The following ITGA9 variants were observed in gnomAD, a reference collection of about 807,000 sequenced individuals.
ITGA9 encodes integrin alpha-9.
ITGA9 carries 56 observed loss-of-function variants against 127.8 expected under a neutral mutation model. The ratio of observed to expected loss-of-function variants is 0.44; its 90% CI spans 0.35 to 0.55. The LOEUF is 0.55. ITGA9 is among the 20% of genes least tolerant of loss of function. The probability of loss-of-function intolerance (pLI) is 0.00; values close to 1 mark genes in which losing one functional copy is unlikely to be tolerated. For missense variants in ITGA9, 1,196 were observed against 1,347.1 expected, an observed-to-expected ratio of 0.89 and a Z score of 1.76; for synonymous variants, 508 against 514.5, an observed-to-expected ratio of 0.99 and a Z score of 0.17.
At chr3:37,671,293 GT>G (rs940282803) in intron 17 of ITGA9, among the ~76,000 whole-genome samples, 4 of 152,260 alleles carry the variant, frequency 2.6e-5, no homozygotes, top group African/African-American at 9.6e-5. Flanking sequence ...GGAACCAGCA[GT>G]TCTTTTCACA....
At chr3:37,478,245 A>C (rs994753070) in intron 3 of ITGA9, among the ~76,000 whole-genome samples, 1 of 152,062 alleles carries the variant, frequency 6.6e-6, no homozygotes, top group Admixed American at 6.5e-5. Context: ...GTGGCCGTGC[A>C]CTGTGGACCT....
Position 37,814,094 on chromosome 3 carries a change from C to T in ITGA9, c.3010-4797C>T, listed in dbSNP as rs1462582022. ...TTGAGATGGGACAAAGACTCTGTGC[C>T]TTGTTCCCCCTTAGTGTGAGTCCTG... On this transcript the variant is annotated intron_variant, in intron 27 of 27. Coordinates refer to ENST00000264741, the MANE Select transcript of ITGA9 (RefSeq NM_002207.3). This position sits in a 1 kb window ranked among gnomAD's most constrained non-coding sequence, Gnocchi z 4.3. Among the ~76,000 whole-genome samples, 1 of 152,116 alleles carries T rather than the reference C, an allele frequency of 6.6e-6. No individual in the cohort carries two copies.
Position 37,560,537 on chromosome 3 carries a change from A to T in ITGA9, c.1689+17952A>T, listed in dbSNP as rs140084069. 1.3e-3 allele frequency among the ~76,000 whole-genome samples: 203 copies of T among 152,338 alleles called. 1 individual carries two copies. Among genetic ancestry groups the T allele is most frequent in the African/African-American group, 4.2e-3 (174 of 41,574 alleles). ...TTGAGGAATTGCCACACTGTCTTCCACAATGGTTGAACGAATTTACACTCC... is the reference window on the plus strand; with the variant it reads ...TTGAGGAATTGCCACACTGTCTTCCTCAATGGTTGAACGAATTTACACTCC... On this transcript the variant is annotated intron_variant, in intron 15 of 27. Coordinates refer to ENST00000264741, the MANE Select transcript of ITGA9 (RefSeq NM_002207.3).
intron 26 of ITGA9, among the ~76,000 whole-genome samples, chr3:37,788,233 C>T (rs1280695989): frequency 6.6e-6 from 1 of 152,152 alleles, no homozygotes; most frequent in Non-Finnish European, 1.5e-5. Flanking sequence ...CCCTCAGAAG[C>T]ACACTGATAA....
intron 11 of ITGA9, among the ~76,000 whole-genome samples, chr3:37,520,453 G>C (rs190554537): frequency 6.6e-6 from 1 of 152,256 alleles, no homozygotes; most frequent in East Asian, 1.9e-4. Context: ...GGTCATAAGT[G>C]GCAGTATGGC....
At chr3:37,691,599 T>C (rs1700832702) in intron 18 of ITGA9, among the ~76,000 whole-genome samples, 1 of 152,148 alleles carries the variant, frequency 6.6e-6, no homozygotes, top group Non-Finnish European at 1.5e-5. Context: ...AAACAAAACA[T>C]GTCCAGTGAC....
intron 16 of ITGA9, among the ~76,000 whole-genome samples, chr3:37,631,653 G>A (rs1439083694): frequency 6.6e-6 from 1 of 152,196 alleles, no homozygotes; most frequent in Non-Finnish European, 1.5e-5. Flanking sequence ...ACTGTACATG[G>A]AAGAGCTGGC....
At chr3:37,499,926 A>G (rs1041080770) in intron 5 of ITGA9, among the ~76,000 whole-genome samples, 1 of 152,196 alleles carries the variant, frequency 6.6e-6, no homozygotes, top group Non-Finnish European at 1.5e-5. Flanking sequence ...TCAGAAAGCA[A>G]CATATCCCAT....
intron 13 of ITGA9, among the ~76,000 whole-genome samples, chr3:37,528,136 ACT>A (rs1351643241): frequency 5.3e-5 from 8 of 151,884 alleles, no homozygotes; most frequent in Admixed American, 1.3e-4. Flanking sequence ...CATCATATAG[ACT>A]CTGCTTTCTC....
intron 18 of ITGA9, among the ~76,000 whole-genome samples, chr3:37,701,567 T>C (rs2125672996): frequency 1.3e-5 from 2 of 152,282 alleles, no homozygotes; most frequent in South Asian, 4.1e-4. Context: ...CAGCTGTTGA[T>C]TGAGGGCTGC....
At chr3:37,687,005 T>C (rs1700788699) in intron 18 of ITGA9, among the ~76,000 whole-genome samples, 1 of 152,008 alleles carries the variant, frequency 6.6e-6, no homozygotes. Flanking sequence ...TGTGAAATAT[T>C]CTAATGGGTA....
intron 15 of ITGA9, among the ~76,000 whole-genome samples, chr3:37,575,040 A>C (rs1699639799): frequency 6.6e-6 from 1 of 152,118 alleles, no homozygotes; most frequent in African/African-American, 2.4e-5. Flanking sequence ...GGGTGGGAGC[A>C]GCTATACACA....
chr3:37,478,183 C>T (rs992921834), intron 3 of ITGA9, among the ~76,000 whole-genome samples: 6 of 152,206 alleles, frequency 3.9e-5, no homozygotes, highest in African/African-American at 1.4e-4. Context: ...ATCTCAGCCT[C>T]TCTGTGATCC....
intron 15 of ITGA9, among the ~76,000 whole-genome samples, chr3:37,579,327 C>T (rs994683428): frequency 6.6e-6 from 1 of 152,188 alleles, no homozygotes; most frequent in Non-Finnish European, 1.5e-5. Context: ...CTTTCTGTTC[C>T]ACCATCCTCA....
intron 17 of ITGA9, among the ~76,000 whole-genome samples, chr3:37,682,795 T>A (rs1700746425): frequency 6.6e-6 from 1 of 152,160 alleles, no homozygotes; most frequent in African/African-American, 2.4e-5. Flanking sequence ...CTTCATCCAG[T>A]CCATGAGAAA....
chr3:37,629,653 C>T lies in ITGA9; in HGVS notation c.1839+317C>T. 1 of 585,758 alleles carries T rather than the reference C, an allele frequency of 1.7e-6. No homozygotes were observed. Among genetic ancestry groups the T allele is most frequent in the Non-Finnish European group, 3.0e-6 (1 of 328,918 alleles). The allele number at this position is 585,758 out of a possible 1,614,324, so 36.3% of individuals were successfully genotyped here. A position where few individuals can be genotyped will look rare whatever the true frequency, so the allele number is the denominator to read the frequency against. ...CTCTGTTCCTAGACTGTTTTCAGAGCTTAGATTGGTGGATAGTAGGTGCTT... is the reference window on the plus strand; with the variant it reads ...CTCTGTTCCTAGACTGTTTTCAGAGTTTAGATTGGTGGATAGTAGGTGCTT... On this transcript the variant is annotated intron_variant, in intron 16 of 27. Coordinates refer to ENST00000264741, the MANE Select transcript of ITGA9 (RefSeq NM_002207.3). This position sits in a 1 kb window ranked among gnomAD's most constrained non-coding sequence, Gnocchi z 4.5.
chr3:37,561,249 A>G (rs1278550292), intron 15 of ITGA9, among the ~76,000 whole-genome samples: 2 of 152,172 alleles, frequency 1.3e-5, no homozygotes, highest in East Asian at 3.9e-4. Context: ...TGTTAATGAA[A>G]TATTTGCCTT....
intron 25 of ITGA9, among the ~76,000 whole-genome samples, chr3:37,782,950 C>T (rs576616865): frequency 3.6e-4 from 55 of 152,230 alleles, no homozygotes; most frequent in Non-Finnish European, 6.6e-4. Context: ...CCAGCCTGGC[C>T]AACATGGTGA....
intron 27 of ITGA9, among the ~76,000 whole-genome samples, chr3:37,809,124 C>T (rs1697335808): frequency 6.9e-6 from 1 of 145,000 alleles, no homozygotes; most frequent in African/African-American, 2.6e-5. Flanking sequence ...CCCACTCTGT[C>T]ACTCAGGCTG....
Sources: gnomAD v4.1 joint callset for allele counts (sites outside exome capture counted in the v4.1 genomes callset) on GRCh38, gnomAD v4.1.1 for gene constraint, Gnocchi (gnomAD v3.1) non-coding constraint, MANE v1.5 for transcripts, NCBI Gene and HGNC (gene_info 2026-07-23, HGNC 2026-07-21) for gene names.